The following HIBCH variants were observed in gnomAD, a reference collection of about 807,000 sequenced individuals.
HIBCH encodes 3-hydroxyisobutyryl-CoA hydrolase, mitochondrial.
HIBCH carries 50 observed loss-of-function variants against 58.2 expected under a neutral mutation model. The observed-to-expected ratio is 0.86, with a 90% CI of 0.68 to 1.09. The LOEUF (loss-of-function observed/expected upper bound fraction) is 1.09, where lower values mean the gene tolerates loss of function less well. Ranked by LOEUF, HIBCH falls within the 50% of genes least tolerant of loss-of-function variation. The probability of loss-of-function intolerance (pLI) is 0.00; values close to 1 mark genes in which losing one functional copy is unlikely to be tolerated. For synonymous variants in HIBCH, 151 were observed against 146.9 expected (o/e 1.03, Z -0.20); for missense variants, 450 against 449.7 (o/e 1.00, Z -0.01).
In HIBCH at chr2:190,296,864, G is replaced by C. The variant is rs1278057799; in HGVS notation, c.168C>G (p.Phe56Leu). 1 of 1,613,994 alleles carries C rather than the reference G, an allele frequency of 6.2e-7. No individual in the cohort carries two copies. Among genetic ancestry groups the C allele is most frequent in the South Asian group, 1.1e-5 (1 of 91,072 alleles). ...TCATATTAAGAGTCAGTGCATTGAG[G>C]AACTTTGGTCTGTTTAGTGTTATGA... Reference protein sequence around the residue: ...TGVITLNRPKFLNALTLNMIR... With the variant: ...TGVITLNRPKLLNALTLNMIR... Residue 56 changes from phenylalanine to leucine, a missense_variant, in exon 3 of 14, where the codon TTC becomes TTG. Coordinates refer to ENST00000359678, the MANE Select transcript of HIBCH (RefSeq NM_014362.4).
intron 1 of HIBCH, among the ~76,000 whole-genome samples, chr2:190,319,104 G>C (rs1688781394): frequency 6.6e-6 from 1 of 152,184 alleles, no homozygotes. Flanking sequence ...GGCTGTTTAA[G>C]GCGCATGCAG....
intron 11 of HIBCH, among the ~76,000 whole-genome samples, chr2:190,239,187 GC>G (rs1393242762): frequency 6.6e-6 from 1 of 152,178 alleles, no homozygotes; most frequent in Non-Finnish European, 1.5e-5. Context: ...CATATGGCTA[GC>G]CAAGTTTCCC....
intron 1 of HIBCH, among the ~76,000 whole-genome samples, chr2:190,313,657 AAAAAAAAG>A (rs1392668575): frequency 1.3e-5 from 2 of 148,728 alleles, no homozygotes; most frequent in Non-Finnish European, 1.5e-5. Context: ...AAAAAAAAAA[AAAAAAAAG>A]GAATCACCTG....
At chr2:190,307,921 C>A (rs984035156) in intron 2 of HIBCH, among the ~76,000 whole-genome samples, 1 of 152,222 alleles carries the variant, frequency 6.6e-6, no homozygotes, top group Non-Finnish European at 1.5e-5. Flanking sequence ...ACACTATAAA[C>A]ACAAAATAAT....
intron 6 of HIBCH, among the ~76,000 whole-genome samples, chr2:190,265,122 CAAAAAAAAAAAAAAAAAA>C (rs1167140474): frequency 3.6e-5 from 2 of 56,280 alleles, no homozygotes; most frequent in African/African-American, 7.4e-5. Flanking sequence ...GACTCCGTCT[CAAAAAAAAAAAAAAAAAA>C]AAAAAAAAAA....
At chr2:190,212,586 C>T (rs1219330218) in intron 12 of HIBCH, among the ~76,000 whole-genome samples, 1 of 152,130 alleles carries the variant, frequency 6.6e-6, no homozygotes, top group African/African-American at 2.4e-5. Flanking sequence ...ATATATATAT[C>T]TGCTTATAAA....
chr2:190,189,792 C>G (rs1038910141), exon 2 of HIBCH: 1 of 152,198 alleles, frequency 6.6e-6, no homozygotes, highest in Non-Finnish European at 1.5e-5. Context: ...AGCACTCTAC[C>G]TGTTCCCAAA....
chr2:190,304,119 A>G lies in HIBCH; in HGVS notation c.78+6635T>C, dbSNP rs944838887. ...ATGACAAGTGAATGCAGTGTCATTG[A>G]TTTCTGGAACAGAATATTAATGAAA... On this transcript the variant is annotated intron_variant, in intron 2 of 13. Coordinates refer to ENST00000359678, the MANE Select transcript of HIBCH (RefSeq NM_014362.4). The surrounding 1 kb of genome is among the most constrained non-coding windows in gnomAD (Gnocchi z 4.1). Among the ~76,000 whole-genome samples the G allele has an allele frequency of 6.6e-6, 1 of 152,164 alleles. No individual in the cohort carries two copies. Among genetic ancestry groups the G allele is most frequent in the African/African-American group, 2.4e-5 (1 of 41,444 alleles).
chr2:190,285,926 T>A (rs1304509541), intron 6 of HIBCH, among the ~76,000 whole-genome samples: 1 of 151,996 alleles, frequency 6.6e-6, no homozygotes, highest in Non-Finnish European at 1.5e-5. Context: ...CAGCTCACTA[T>A]AACCTCCCGG....
intron 11 of HIBCH, among the ~76,000 whole-genome samples, chr2:190,234,687 T>TA (rs1385808042): frequency 6.6e-6 from 1 of 151,928 alleles, no homozygotes; most frequent in African/African-American, 2.4e-5. Flanking sequence ...CCATCTCTAC[T>TA]AAAAAATATA....
chr2:190,252,310 G>A lies in HIBCH; in HGVS notation c.518-3C>T, dbSNP rs936271420. The stretch of plus-strand genomic sequence containing the variant: ...TCCACCCACATCAGGGAACAGTCCT[G>A]TAATTAAATGTAACAAAAAGAGATA... On this transcript the variant is annotated splice_polypyrimidine_tract_variant and splice_region_variant and intron_variant, in intron 7 of 13. Coordinates refer to ENST00000359678, the MANE Select transcript of HIBCH (RefSeq NM_014362.4). 2.5e-6 allele frequency: 4 copies of A among 1,610,588 alleles called. No individual in the cohort carries two copies. Among genetic ancestry groups the A allele is most frequent in the African/African-American group, 1.3e-5 (1 of 74,792 alleles).
intron 2 of HIBCH, among the ~76,000 whole-genome samples, chr2:190,305,296 A>G (rs1688374761): frequency 1.3e-5 from 2 of 152,112 alleles, no homozygotes; most frequent in African/African-American, 4.8e-5. Context: ...ACACAAACTT[A>G]TTGTCTCACA....
At position 190,261,150 on chromosome 2, in the gene HIBCH, G is replaced by GT; in HGVS notation, c.517+5dup. ...AGTAATTATAAAAAAAATTCTGGTT[G>GT]TTTACCTATTGCAGTTTCTGGCATA... On this transcript the variant is annotated splice_donor_region_variant and intron_variant, in intron 7 of 13. Coordinates refer to ENST00000359678, the MANE Select transcript of HIBCH (RefSeq NM_014362.4). 6.2e-7 allele frequency: 1 copy of GT among 1,604,028 alleles called. No individual in the cohort carries two copies. The highest frequency in any genetic ancestry group is 8.5e-7 in the Non-Finnish European group (1 of 1,172,582).
At chr2:190,230,650 G>A (rs1201789698) in intron 11 of HIBCH, among the ~76,000 whole-genome samples, 3 of 152,152 alleles carry the variant, frequency 2.0e-5, no homozygotes, top group Admixed American at 6.5e-5. Context: ...AGCCAAGATC[G>A]TGCCGCTGCA....
downstream of HIBCH, chr2:190,200,196 A>C: frequency 2.0e-6 from 3 of 1,535,882 alleles, 1 homozygote; most frequent in South Asian, 3.5e-5. Context: ...AGTTTGAATA[A>C]ATGTGACAAA....
intron 6 of HIBCH, among the ~76,000 whole-genome samples, chr2:190,275,827 T>C (rs1001432420): frequency 1.2e-4 from 19 of 152,222 alleles, no homozygotes; most frequent in Non-Finnish European, 1.9e-4. Context: ...GCATGAACAA[T>C]AGCCAATGCC....
At position 190,209,222 on chromosome 2, in the gene HIBCH, G is replaced by A. The variant is rs1254738981; in HGVS notation, c.1012-309C>T. Among the ~76,000 whole-genome samples, 1 of 152,030 alleles carries A rather than the reference G, an allele frequency of 6.6e-6. No individual in the cohort carries two copies. Among genetic ancestry groups the A allele is most frequent in the African/African-American group, 2.4e-5 (1 of 41,380 alleles). On this transcript the variant is annotated intron_variant, in intron 12 of 13. Coordinates refer to ENST00000359678, the MANE Select transcript of HIBCH (RefSeq NM_014362.4). This position sits in a 1 kb window ranked among gnomAD's most constrained non-coding sequence, Gnocchi z 5.6. The stretch of plus-strand genomic sequence containing the variant: ...CCAATTTCACCAGTCCTTTAATATG[G>A]TCACTTTCCTGTCAAAATGTCATCA...
At chr2:190,261,966 C>T (rs1575732972) in intron 6 of HIBCH, among the ~76,000 whole-genome samples, 2 of 152,136 alleles carry the variant, frequency 1.3e-5, no homozygotes, top group Non-Finnish European at 2.9e-5. Flanking sequence ...TGGAGACTAA[C>T]CAGAATTCAG....
chr2:190,223,334 A>C (rs1575703256), intron 11 of HIBCH, among the ~76,000 whole-genome samples: 1 of 152,332 alleles, frequency 6.6e-6, no homozygotes, highest in East Asian at 1.9e-4. Context: ...TCCAGGGCTC[A>C]AGGGATCCTC....
Sources: allele counts gnomAD v4.1 joint callset (sites outside exome capture counted in the v4.1 genomes callset), GRCh38; gene constraint gnomAD v4.1.1; non-coding constraint Gnocchi (gnomAD v3.1); transcripts MANE v1.5; gene names NCBI Gene and HGNC (gene_info 2026-07-23, HGNC 2026-07-21).